Variants in CACNA1D observed in about 807,000 individuals in gnomAD.
CACNA1D encodes calcium voltage-gated channel subunit alpha1 D, also known as voltage-dependent L-type calcium channel subunit alpha-1D.
In CACNA1D, 55 loss-of-function variants were observed where a neutral mutation model predicts 257.1. The observed-to-expected ratio is 0.21, with a 90% CI of 0.17 to 0.27. The LOEUF is 0.27. Among genes scored for constraint, CACNA1D ranks in the 10% least tolerant of loss-of-function variants. The probability of loss-of-function intolerance (pLI) is 1.00; values close to 1 mark genes in which losing one functional copy is unlikely to be tolerated. For missense variants in CACNA1D, 1,876 were observed against 2,784.0 expected (o/e 0.67, Z 7.34); for synonymous variants, 980 against 1,014.9 (o/e 0.97, Z 0.65).
At chr3:53,754,816 T>C (rs2095252345) in intron 29 of CACNA1D, among the ~76,000 whole-genome samples, 1 of 152,262 alleles carries the variant, frequency 6.6e-6, no homozygotes, top group Admixed American at 6.5e-5. Context: ...GCATGGATTA[T>C]GAAATGGATG....
chr3:53,541,848 A>G (rs1174178661), intron 3 of CACNA1D, among the ~76,000 whole-genome samples: 3 of 152,120 alleles, frequency 2.0e-5, no homozygotes, highest in African/African-American at 4.8e-5. Flanking sequence ...ATAAGTGGGT[A>G]TTACTCCCTC....
intron 3 of CACNA1D, among the ~76,000 whole-genome samples, chr3:53,540,943 T>C (rs2092281102): frequency 6.6e-6 from 1 of 152,200 alleles, no homozygotes; most frequent in Non-Finnish European, 1.5e-5. Context: ...GGTTTCACCA[T>C]GTTGGCCCGG....
intron 3 of CACNA1D, among the ~76,000 whole-genome samples, chr3:53,625,932 G>C (rs1425654600): frequency 6.6e-6 from 1 of 152,190 alleles, no homozygotes; most frequent in Non-Finnish European, 1.5e-5. Context: ...GCCTTCAGAG[G>C]AGGAGTGTGT....
At chr3:53,609,198 C>G (rs1179076042) in intron 3 of CACNA1D, among the ~76,000 whole-genome samples, 1 of 152,070 alleles carries the variant, frequency 6.6e-6, no homozygotes, top group Non-Finnish European at 1.5e-5. Flanking sequence ...ATCATGAGGT[C>G]AGGAGATAAA....
At chr3:53,787,091 A>C (rs922336039) in intron 40 of CACNA1D, 139 bp downstream of exon 40, 2 of 848,006 alleles carry the variant, frequency 2.4e-6, no homozygotes, top group Non-Finnish European at 3.7e-6. Flanking sequence ...CACTCCCCCA[A>C]ATGTGGACTA....
intron 3 of CACNA1D, among the ~76,000 whole-genome samples, chr3:53,597,322 G>A (rs2093383243): frequency 6.6e-6 from 1 of 152,208 alleles, no homozygotes; most frequent in Non-Finnish European, 1.5e-5. Context: ...TAGCTGGGAT[G>A]GAAGAAAATT....
chr3:53,632,871 C>A (rs756634490), intron 3 of CACNA1D, among the ~76,000 whole-genome samples: 1 of 152,174 alleles, frequency 6.6e-6, no homozygotes, highest in Non-Finnish European at 1.5e-5. Context: ...ACAATAGTAA[C>A]ATCGAGGATA....
rs760176295 is a variant in CACNA1D, at chr3:53,745,881, C to T, written c.3167+6C>T. 18 of 1,610,040 alleles carry T rather than the reference C, an allele frequency of 1.1e-5. No individual in the cohort carries two copies. The highest frequency in any genetic ancestry group is 1.1e-4 in the East Asian group (5 of 44,862). Reference sequence around the variant, plus strand: ...AGTAACCCTGAAGAATGCAGGTGAGCGTCCTGAGAGTGGAGTAGGGGACTT... The same window carrying T: ...AGTAACCCTGAAGAATGCAGGTGAGTGTCCTGAGAGTGGAGTAGGGGACTT... On this transcript the variant is annotated splice_donor_region_variant and intron_variant, in intron 25 of 47. Coordinates refer to ENST00000350061, the MANE Select transcript of CACNA1D (RefSeq NM_001128840.3).
intron 43 of CACNA1D, 31 bp from the exon 44 acceptor site, chr3:53,803,392 C>T: frequency 6.2e-7 from 1 of 1,613,790 alleles, no homozygotes; most frequent in Non-Finnish European, 8.5e-7. Flanking sequence ...GCCGCCTGCC[C>T]AGGTTCTCAG....
intron 5 of CACNA1D, among the ~76,000 whole-genome samples, chr3:53,664,121 C>T (rs764318368): frequency 2.0e-5 from 3 of 152,184 alleles, no homozygotes; most frequent in Non-Finnish European, 2.9e-5. Context: ...AGCTTCAGGA[C>T]ACGTCTACCT....
intron 9 of CACNA1D, among the ~76,000 whole-genome samples, chr3:53,715,797 C>A (rs944736453): frequency 6.6e-6 from 1 of 152,152 alleles, no homozygotes; most frequent in Non-Finnish European, 1.5e-5. Flanking sequence ...TCAGTGGAGC[C>A]CTGGCACAGT....
chr3:53,568,122 G>A (rs2092879100), intron 3 of CACNA1D, among the ~76,000 whole-genome samples: 3 of 152,156 alleles, frequency 2.0e-5, no homozygotes, highest in African/African-American at 7.2e-5. Flanking sequence ...GAAGTTCTGT[G>A]GAAAGAAGAT....
In CACNA1D at chr3:53,702,878, C is replaced by T. The variant is rs138254758; in HGVS notation, c.1390+68C>T. ...TGCGGTTCAGACGCCTAGCAGTAGG[C>T]CTTCCTCGACTCTGACCCAGGCTGT... On this transcript the variant is annotated intron_variant, in intron 9 of 47. Coordinates refer to ENST00000350061, the MANE Select transcript of CACNA1D (RefSeq NM_001128840.3). 879 of 1,547,416 alleles carry T rather than the reference C, an allele frequency of 5.7e-4. 8 individuals carry two copies. In the East Asian group the frequency reaches 0.017, roughly 30 times the overall value.
rs923331283 is a variant in CACNA1D, at chr3:53,735,288, C to T, written c.2622-86C>T. Reference sequence around the variant, plus strand: ...CAGACAGCTGCCCTCTGCCTGGCCTCTTGCTGCAGTGGCCCCACACTCTTA... The same window carrying T: ...CAGACAGCTGCCCTCTGCCTGGCCTTTTGCTGCAGTGGCCCCACACTCTTA... On this transcript the variant is annotated intron_variant, in intron 19 of 47. Coordinates refer to ENST00000350061, the MANE Select transcript of CACNA1D (RefSeq NM_001128840.3). The T allele has an allele frequency of 8.5e-6, 11 of 1,292,808 alleles. No homozygotes were observed. In the African/African-American group the frequency reaches 1.3e-4, roughly 15 times the overall value. 80.1% of individuals were successfully genotyped at this position (1,292,808 alleles called of 1,614,324 possible). A position where few individuals can be genotyped will look rare whatever the true frequency, so the allele number is the denominator to read the frequency against.
intron 15 of CACNA1D, 75 bp from the exon 16 acceptor site, chr3:53,730,367 T>G: frequency 2.2e-6 from 2 of 926,114 alleles, no homozygotes; most frequent in East Asian, 2.5e-5. Flanking sequence ...GATGCAGAGG[T>G]GTGTGGCGTT....
rs1043130737 is a variant in CACNA1D, at chr3:53,804,928, T to G, written c.5586-55T>G. The G allele has an allele frequency of 7.2e-6, 11 of 1,523,904 alleles. No individual in the cohort carries two copies. The African/African-American group carries it at 1.1e-4, about 15-fold the overall frequency. 94.4% of individuals were successfully genotyped at this position (1,523,904 alleles called of 1,614,324 possible). ...GAGTATGGATGTCAGTCTGGCAGGG[T>G]TGAGTGACAGAGCTTGTTACCTAGA... On this transcript the variant is annotated intron_variant, in intron 44 of 47. Transcript: ENST00000350061.
intron 3 of CACNA1D, among the ~76,000 whole-genome samples, chr3:53,633,056 C>T (rs2093840223): frequency 6.6e-6 from 1 of 152,180 alleles, no homozygotes; most frequent in Non-Finnish European, 1.5e-5. Context: ...CAAAAAATTG[C>T]ATTGTCTGTG....
At chr3:53,656,905 C>G (rs1170345828) in intron 4 of CACNA1D, among the ~76,000 whole-genome samples, 1 of 152,086 alleles carries the variant, frequency 6.6e-6, no homozygotes, top group Non-Finnish European at 1.5e-5. Context: ...ACTGAACATA[C>G]CAAGTCTTAA....
rs2095180986 is a variant in CACNA1D at position 53,747,449 on chromosome 3, G to GT, written c.3314+2dup. 1 of 1,614,042 alleles carries GT rather than the reference G, an allele frequency of 6.2e-7. No individual in the cohort carries two copies. Among genetic ancestry groups the GT allele is most frequent in the African/African-American group, 1.3e-5 (1 of 74,960 alleles). On this transcript the variant is annotated splice_donor_variant, in intron 26 of 47. Coordinates refer to ENST00000350061, the MANE Select transcript of CACNA1D (RefSeq NM_001128840.3). LOFTEE classifies it high-confidence loss of function. ...TCTCCACGTTTGAGGGCTGGCCTGC[G>GT]TAAGTACAGGGAGCACACAGTCTTC... is the stretch of plus-strand genomic sequence containing the variant.
Sources: gnomAD v4.1 joint callset for allele counts (sites outside exome capture counted in the v4.1 genomes callset) on GRCh38, gnomAD v4.1.1 for gene constraint, MANE v1.5 for transcripts, NCBI Gene and HGNC (gene_info 2026-07-23, HGNC 2026-07-21) for gene names.